GON4L: variants seen among roughly 807,000 people sequenced by gnomAD.
GON4L encodes the protein gon-4 like.
In GON4L, 87 loss-of-function variants were observed where a neutral mutation model predicts 211.8. The observed-to-expected ratio is 0.41, with a 90% CI of 0.35 to 0.49. The LOEUF is 0.49. Among genes scored for constraint, GON4L ranks in the 20% least tolerant of loss-of-function variants. GON4L has a pLI of 0.15. For missense variants in GON4L, 2,155 were observed against 2,659.5 expected (o/e 0.81, Z 4.17); for synonymous variants, 875 against 962.6 (o/e 0.91, Z 1.68).
intron 17 of GON4L, 181 bp from the exon 18 acceptor site, chr1:155,773,391 G>A: frequency 1.6e-6 from 1 of 630,872 alleles, no homozygotes; most frequent in Middle Eastern, 3.6e-4. Context: ...ATATCTAAAG[G>A]GAGTCCCATT....
chr1:155,815,952 C>T (rs752967643), intron 7 of GON4L, 52 bp from the exon 8 acceptor site: 21 of 1,094,276 alleles, frequency 1.9e-5, no homozygotes, highest in Non-Finnish European at 2.7e-5. Flanking sequence ...ACAAATCATA[C>T]GTATTTGGAA....
rs377224351 is a variant in GON4L, at chr1:155,823,961, C to A, written c.698-1485G>T. Among the ~76,000 whole-genome samples, 18 of 152,134 alleles carry A rather than the reference C, an allele frequency of 1.2e-4. No homozygotes were observed. In the East Asian group the frequency reaches 1.9e-3, roughly 16 times the overall value. ...AGTCATGTGTCTGTGTTATGTTTCA[C>A]AATAAAAAATTTAGTATTTCAAAAG... On this transcript the variant is annotated intron_variant, in intron 3 of 31. Transcript: ENST00000368331.
intron 29 of GON4L, 38 bp downstream of exon 29, chr1:155,753,166 A>G (rs370800899): frequency 7.1e-5 from 104 of 1,471,590 alleles, no homozygotes; most frequent in Non-Finnish European, 9.0e-5. Flanking sequence ...GGATAACGAG[A>G]CTGAGGAACA....
chr1:155,786,024 A>C (rs1200625859), intron 12 of GON4L, among the ~76,000 whole-genome samples: 1 of 152,088 alleles, frequency 6.6e-6, no homozygotes, highest in East Asian at 1.9e-4. Flanking sequence ...TGAACCCGGG[A>C]GGCAGGGCTT....
chr1:155,839,080 A>G (rs1332993044), intron 2 of GON4L, among the ~76,000 whole-genome samples: 2 of 152,178 alleles, frequency 1.3e-5, no homozygotes, highest in Non-Finnish European at 2.9e-5. Context: ...TTATTGAGAA[A>G]AAGAATAATT....
rs371209533 is a variant in GON4L, at chr1:155,756,762, T to C, written c.5517+196A>G. 3 of 539,542 alleles carry C rather than the reference T, an allele frequency of 5.6e-6. 1 individual carries two copies. The highest frequency in any genetic ancestry group is 4.1e-5 in the South Asian group (2 of 48,354). The allele number at this position is 539,542 out of a possible 1,614,324, so 33.4% of individuals were successfully genotyped here. On this transcript the variant is annotated intron_variant, in intron 27 of 31. Transcript: ENST00000368331. ...CAACATAGTGAAAATCCATCTCTAC[T>C]AAAAATACAAAAATTTGCTGGGCGT...
intron 20 of GON4L, chr1:155,767,138 A>G (rs1662597956): frequency 1.7e-5 from 12 of 705,998 alleles, no homozygotes; most frequent in Non-Finnish European, 2.8e-5. Flanking sequence ...TCTTTCCAAG[A>G]AGGGTCTCTC....
chr1:155,846,260 CG>C (rs1671227442), intron 2 of GON4L: 1 of 193,186 alleles, frequency 5.2e-6, no homozygotes, highest in Admixed American at 5.1e-5. Flanking sequence ...CGGTGGCTCA[CG>C]CCTGTAATCT....
chr1:155,747,912 A>C, downstream of GON4L: 1 of 1,561,764 alleles, frequency 6.4e-7, no homozygotes, highest in Non-Finnish European at 8.7e-7. Flanking sequence ...TGGAACTTGG[A>C]GGAGTAAACA....
At position 155,771,639 on chromosome 1, in the gene GON4L, A is replaced by AT. The variant is rs1280296026; in HGVS notation, c.2496-423dup. 3.9e-5 allele frequency among the ~76,000 whole-genome samples: 6 copies of AT among 152,032 alleles called. No homozygotes were observed. In the East Asian group the frequency reaches 9.7e-4, roughly 25 times the overall value. ...AGACGTTCACCACCATGCCGGGCTA[A>AT]TTTTTTTCTTCCATTATTTGTAGAG... On this transcript the variant is annotated intron_variant, in intron 18 of 31. Transcript: ENST00000368331.
chr1:155,850,918 G>A (rs550190693), intron 2 of GON4L, among the ~76,000 whole-genome samples: 3 of 151,364 alleles, frequency 2.0e-5, no homozygotes, highest in Non-Finnish European at 2.9e-5. Flanking sequence ...TTAGCTGAGC[G>A]TGGCAGCGTG....
At chr1:155,771,003 A>G (rs1468769245) in intron 19 of GON4L, 64 bp downstream of exon 19, 1 of 1,605,442 alleles carries the variant, frequency 6.2e-7, no homozygotes, top group Non-Finnish European at 8.5e-7. Flanking sequence ...TTTGAGAATA[A>G]CAAGATAAAA....
chr1:155,781,726 G>A (rs1184519671), intron 14 of GON4L, among the ~76,000 whole-genome samples: 1 of 151,968 alleles, frequency 6.6e-6, no homozygotes, highest in Non-Finnish European at 1.5e-5. Flanking sequence ...CTCCCAAAAT[G>A]CTGGGATTAC....
intron 2 of GON4L, among the ~76,000 whole-genome samples, chr1:155,832,397 T>C (rs2093572964): frequency 6.6e-6 from 1 of 151,512 alleles, no homozygotes; most frequent in African/African-American, 2.4e-5. Flanking sequence ...TCCCAGCACT[T>C]TGGGAGGCCG....
At chr1:155,858,190 A>G (rs147202471), upstream of GON4L, among the ~76,000 whole-genome samples, 189 of 152,348 alleles carry the variant, frequency 1.2e-3, no homozygotes, top group African/African-American at 4.4e-3. Context: ...GAGCGAATGA[A>G]TGAATGACTT....
chr1:155,754,342 T>C, intron 28 of GON4L, 33 bp downstream of exon 28: 1 of 1,288,284 alleles, frequency 7.8e-7, no homozygotes, highest in Non-Finnish European at 1.1e-6. Context: ...CCAGCAGCTC[T>C]GATACCCTCG....
chr1:155,836,209 A>AGT (rs899166021), intron 2 of GON4L, among the ~76,000 whole-genome samples: 6 of 149,092 alleles, frequency 4.0e-5, no homozygotes, highest in African/African-American at 1.5e-4. Context: ...CGAAAAGATG[A>AGT]GTGTCCCCTT....
intron 11 of GON4L, among the ~76,000 whole-genome samples, chr1:155,796,673 T>C (rs1461146812): frequency 6.6e-6 from 1 of 152,142 alleles, no homozygotes; most frequent in African/African-American, 2.4e-5. Context: ...TATATTAAGG[T>C]AATATTTTTC....
At chr1:155,790,334 G>A (rs1454270012) in intron 12 of GON4L, among the ~76,000 whole-genome samples, 2 of 151,738 alleles carry the variant, frequency 1.3e-5, no homozygotes, top group Non-Finnish European at 2.9e-5. Context: ...TCCTGACCTC[G>A]TGATCTGCCC....
Sources: allele counts gnomAD v4.1 joint callset (sites outside exome capture counted in the v4.1 genomes callset), GRCh38; gene constraint gnomAD v4.1.1; transcripts MANE v1.5; gene names NCBI Gene and HGNC (gene_info 2026-07-23, HGNC 2026-07-21).